Variants in EXT1 observed in about 807,000 individuals in gnomAD.
EXT1 encodes the protein exostosin glycosyltransferase 1.
EXT1 carries 20 observed loss-of-function variants against 82.5 expected under a neutral mutation model. The ratio of observed to expected loss-of-function variants is 0.24; its 90% CI spans 0.17 to 0.35. EXT1 has a LOEUF of 0.35. Among genes scored for constraint, EXT1 ranks in the 10% least tolerant of loss-of-function variants. EXT1 has a pLI of 1.00. For missense variants in EXT1, 757 were observed against 936.5 expected (o/e 0.81, Z 2.50); for synonymous variants, 348 against 350.8 (o/e 0.99, Z 0.09).
chr8:117,956,447 A>G (rs116656692), intron 1 of EXT1, among the ~76,000 whole-genome samples: 1,534 of 152,080 alleles, frequency 0.01, 23 homozygotes, highest in African/African-American at 0.035. Context: ...CTCATCTTAA[A>G]CTCTAAAAAA....
intron 1 of EXT1, among the ~76,000 whole-genome samples, chr8:117,854,447 A>AACACACACACACACAT (rs1554581300): frequency 6.6e-6 from 1 of 151,510 alleles, no homozygotes; most frequent in Non-Finnish European, 1.5e-5. Context: ...AGGGGGAGAA[A>AACACACACACACACAT]ACACACACAC....
chr8:117,905,707 G>A (rs971641217), intron 1 of EXT1, among the ~76,000 whole-genome samples: 1 of 152,192 alleles, frequency 6.6e-6, no homozygotes. Context: ...AGCTACTCGG[G>A]AGGCTGAGGC....
chr8:118,036,910 T>C (rs1271904005), intron 1 of EXT1, among the ~76,000 whole-genome samples: 1 of 152,156 alleles, frequency 6.6e-6, no homozygotes, highest in East Asian at 1.9e-4. Flanking sequence ...TTTCTTTTCT[T>C]CCCCAGTGTC....
chr8:117,924,194 C>T (rs1463536823), intron 1 of EXT1, among the ~76,000 whole-genome samples: 1 of 152,112 alleles, frequency 6.6e-6, no homozygotes, highest in Admixed American at 6.5e-5. Flanking sequence ...CTTCTCTGTC[C>T]CCACTGTACT....
intron 1 of EXT1, among the ~76,000 whole-genome samples, chr8:118,098,363 C>T (rs1284347428): frequency 6.6e-6 from 1 of 152,062 alleles, no homozygotes; most frequent in African/African-American, 2.4e-5. Context: ...ATATGCCACG[C>T]CTTAGGCAGG....
chr8:118,082,419 A>G (rs573746382), intron 1 of EXT1, among the ~76,000 whole-genome samples: 1 of 152,376 alleles, frequency 6.6e-6, no homozygotes, highest in East Asian at 1.9e-4. Flanking sequence ...AAGGCATCTT[A>G]AGATTACGGC....
intron 1 of EXT1, among the ~76,000 whole-genome samples, chr8:117,966,700 AATT>A (rs1161634690): frequency 6.6e-6 from 1 of 152,216 alleles, no homozygotes; most frequent in Non-Finnish European, 1.5e-5. Context: ...GCAAACAAAT[AATT>A]CTCCATTTTG....
chr8:118,019,245 T>TAGAAAGAA (rs1816056351), intron 1 of EXT1, among the ~76,000 whole-genome samples: 1 of 29,592 alleles, frequency 3.4e-5, no homozygotes, highest in Non-Finnish European at 8.0e-5. Context: ...AGCAGTACGA[T>TAGAAAGAA]TGAAAGAAAG....
chr8:117,886,019 C>T (rs1230009033), intron 1 of EXT1, among the ~76,000 whole-genome samples: 1 of 152,164 alleles, frequency 6.6e-6, no homozygotes, highest in Non-Finnish European at 1.5e-5. Context: ...TGACTGTGTG[C>T]AAGCCAATTG....
In EXT1 at chr8:117,797,429, A is replaced by T. The variant is rs536780114; in HGVS notation, c.*2283T>A. ...GTGTTGTGAGCTTGGTGACAGGTCA[A>T]TCTGGCAAAGCAGGTCCTTGAATCC... On this transcript the variant is annotated 3_prime_UTR_variant, in exon 11 of 11. Coordinates refer to ENST00000378204, the MANE Select transcript of EXT1 (RefSeq NM_000127.3). 2.1e-4 allele frequency: 32 copies of T among 152,368 alleles called. No homozygotes were observed. The highest frequency in any genetic ancestry group is 7.2e-4 in the African/African-American group (30 of 41,594). The allele number at this position is 152,368 out of a possible 1,614,324, so 9.4% of individuals were successfully genotyped here.
At chr8:117,831,679 T>C in intron 3 of EXT1, 1 of 471,090 alleles carries the variant, frequency 2.1e-6, no homozygotes. Context: ...AAATGCTCCG[T>C]TAGCTGCTTT....
chr8:117,960,698 G>A (rs563855940), intron 1 of EXT1, among the ~76,000 whole-genome samples: 3 of 152,238 alleles, frequency 2.0e-5, no homozygotes, highest in East Asian at 1.9e-4. Context: ...TAACAGAATC[G>A]ACTGCCTAAG....
rs976290844 is a variant in EXT1, at chr8:118,099,616, T to C, written c.962+10469A>G. The stretch of plus-strand genomic sequence containing the variant: ...AGTCAGAGGGCCTCAGTTCATCTGC[T>C]ATGTGTATGCTCTTAGGCAAACCAC... On this transcript the variant is annotated intron_variant, in intron 1 of 10. Transcript: ENST00000378204. Among the ~76,000 whole-genome samples the C allele has an allele frequency of 2.0e-5, 3 of 152,364 alleles. No individual in the cohort carries two copies. In the South Asian group the frequency reaches 6.2e-4, roughly 32 times the overall value.
rs1173695009 is a variant in EXT1 at position 118,057,975 on chromosome 8, GAAAAAAAAAA to G, written c.962+52100_962+52109del. Among the ~76,000 whole-genome samples, 3 of 59,366 alleles carry G rather than the reference GAAAAAAAAAA, an allele frequency of 5.1e-5. No individual in the cohort carries two copies. In the East Asian group the frequency reaches 1.6e-3, roughly 32 times the overall value. The allele number at this position is 59,366 out of a possible 152,430, so 38.9% of individuals were successfully genotyped here. A position where few individuals can be genotyped will look rare whatever the true frequency, so the allele number is the denominator to read the frequency against. ...AACAGAGTTAGACCCCATCTCAAAAGAAAAAAAAAAAAAAAAAGGAAAAGAAAAAAAAATC... is the reference window on the plus strand; with the variant it reads ...AACAGAGTTAGACCCCATCTCAAAAGAAAAAAAGGAAAAGAAAAAAAAATC... On this transcript the variant is annotated intron_variant, in intron 1 of 10. Coordinates refer to ENST00000378204, the MANE Select transcript of EXT1 (RefSeq NM_000127.3).
At chr8:117,806,459 G>A (rs1823237964) in intron 9 of EXT1, among the ~76,000 whole-genome samples, 1 of 152,190 alleles carries the variant, frequency 6.6e-6, no homozygotes, top group Non-Finnish European at 1.5e-5. Context: ...ATATCACTTA[G>A]AGAAAAAGTC....
At chr8:117,806,775 T>G (rs902758756) in intron 9 of EXT1, among the ~76,000 whole-genome samples, 1 of 152,232 alleles carries the variant, frequency 6.6e-6, no homozygotes, top group African/African-American at 2.4e-5. Flanking sequence ...GTTATATCAC[T>G]TATCTCCTTA....
At chr8:117,992,775 A>G (rs1199252188) in intron 1 of EXT1, among the ~76,000 whole-genome samples, 1 of 152,222 alleles carries the variant, frequency 6.6e-6, no homozygotes, top group Non-Finnish European at 1.5e-5. Context: ...GGATCGCCAT[A>G]ACAAGGTGGC....
At chr8:117,872,143 G>T (rs1037278032) in intron 1 of EXT1, among the ~76,000 whole-genome samples, 3 of 70,822 alleles carry the variant, frequency 4.2e-5, no homozygotes, top group Non-Finnish European at 8.2e-5. Flanking sequence ...TGTTTCAAAA[G>T]AAAGAAAAGG....
At chr8:117,999,982 G>A (rs1374361303) in intron 1 of EXT1, among the ~76,000 whole-genome samples, 2 of 151,552 alleles carry the variant, frequency 1.3e-5, no homozygotes, top group African/African-American at 2.4e-5. Flanking sequence ...ATGTGTGTGT[G>A]TATATATATA....
Sources: gnomAD v4.1 joint callset for allele counts (sites outside exome capture counted in the v4.1 genomes callset) on GRCh38, gnomAD v4.1.1 for gene constraint, MANE v1.5 for transcripts, NCBI Gene and HGNC (gene_info 2026-07-23, HGNC 2026-07-21) for gene names.